Variants in RABEP2 observed in about 807,000 individuals in gnomAD.
RABEP2 encodes rab GTPase-binding effector protein 2.
Under a neutral mutation model 74.1 loss-of-function variants are expected in RABEP2, and 57 were observed. The ratio of observed to expected loss-of-function variants is 0.77; its 90% CI spans 0.62 to 0.96. The LOEUF (loss-of-function observed/expected upper bound fraction) is 0.96. Ranked by LOEUF, RABEP2 falls within the 40% of genes least tolerant of loss-of-function variation. The pLI is 0.00. For synonymous variants in RABEP2, 351 were observed against 344.0 expected (o/e 1.02, Z -0.23); for missense variants, 692 against 756.3 (o/e 0.91, Z 1.00).
intron 3 of RABEP2, among the ~76,000 whole-genome samples, chr16:28,916,804 T>C (rs1205331477): frequency 6.6e-6 from 1 of 150,846 alleles, no homozygotes; most frequent in Non-Finnish European, 1.5e-5. Flanking sequence ...GCCAACGTGG[T>C]GAAACCCCAT....
At position 28,914,725 on chromosome 16, in the gene RABEP2, C is replaced by A. The variant is rs751883197; in HGVS notation, c.490G>T (p.Glu164Ter). 3.7e-6 allele frequency: 6 copies of A among 1,614,176 alleles called. No homozygotes were observed. Among genetic ancestry groups the A allele is most frequent in the Non-Finnish European group, 5.1e-6 (6 of 1,180,026 alleles). Residue 164 changes from glutamate (E) to a stop codon, truncating the protein, a stop_gained, in exon 4 of 13, where the codon GAG (glutamate) becomes TAG (stop). Coordinates refer to ENST00000358201, the MANE Select transcript of RABEP2 (RefSeq NM_024816.3). LOFTEE classifies it high-confidence loss of function. ...EIVLPMEKEIEELKAKLLRAE... is the reference protein window; with the variant it reads ...EIVLPMEKEI Reference sequence around the variant, plus strand: ...CTCAGCAGCTTCGCCTTCAGCTCCTCGATCTCCTTTTCCATGGGCAGTACG... The same window carrying A: ...CTCAGCAGCTTCGCCTTCAGCTCCTAGATCTCCTTTTCCATGGGCAGTACG...
In RABEP2 at chr16:28,911,152, T is replaced by G. The variant is rs1038053695; in HGVS notation, c.922A>C (p.Ser308Arg). ...EGRQLQKDLE[S>R]VSRERDELQE... ...AGCTCGTCCCGCTCGCGACTGACGC[T>G]CTCCAGGTCCTTCTGCAGCTGTCGG... Residue 308 changes from serine to arginine, a missense_variant, in exon 6 of 13, where the codon AGC becomes CGC. Coordinates refer to ENST00000358201, the MANE Select transcript of RABEP2 (RefSeq NM_024816.3). 2.5e-6 allele frequency: 4 copies of G among 1,611,936 alleles called. No homozygotes were observed. The highest frequency in any genetic ancestry group is 3.4e-6 in the Non-Finnish European group (4 of 1,180,002).
At chr16:28,910,041 A>G (rs1463177194) in intron 7 of RABEP2, among the ~76,000 whole-genome samples, 1 of 151,646 alleles carries the variant, frequency 6.6e-6, no homozygotes, top group African/African-American at 2.4e-5. Context: ...AAAAAAAAAA[A>G]AAAAAAAAAA....
chr16:28,905,749 G>A lies in RABEP2; in HGVS notation c.1446C>T (p.Cys482=), dbSNP rs773519218. 1.2e-6 allele frequency: 2 copies of A among 1,614,042 alleles called. No individual in the cohort carries two copies. The highest frequency in any genetic ancestry group is 1.6e-4 in the Middle Eastern group (1 of 6,062). The stretch of plus-strand genomic sequence containing the variant: ...CCCGCTCCATCTCTGTCCTCAGGCT[G>A]CACAGGGAGGCTGGGAAGTCAGGGC... ...EETEVLEASL[C]SLRTEMERVQ... Residue 482 remains cysteine, a synonymous_variant, in exon 11 of 13, where the codon TGC becomes TGT. Coordinates refer to ENST00000358201, the MANE Select transcript of RABEP2 (RefSeq NM_024816.3).
chr16:28,924,701 T>G lies in RABEP2; in HGVS notation c.62-86A>C, dbSNP rs572453882. Reference sequence around the variant, plus strand: ...AGCAAGTCCTGCAACCTAGTACTGTTGCCTTCATCTGGGGCCTCCTTCACC... The same window carrying G: ...AGCAAGTCCTGCAACCTAGTACTGTGGCCTTCATCTGGGGCCTCCTTCACC... On this transcript the variant is annotated intron_variant, in intron 1 of 12. Transcript: ENST00000358201. The G allele has an allele frequency of 4.0e-6, 5 of 1,245,622 alleles. No homozygotes were observed. In the Admixed American group the frequency reaches 9.5e-5, roughly 24 times the overall value. 77.2% of individuals were successfully genotyped at this position (1,245,622 alleles called of 1,614,324 possible).
At chr16:28,909,937 G>A (rs1381097293) in intron 7 of RABEP2, among the ~76,000 whole-genome samples, 1 of 149,882 alleles carries the variant, frequency 6.7e-6, no homozygotes, top group Non-Finnish European at 1.5e-5. Flanking sequence ...GCTGAGGCAG[G>A]AGAATGGCGT....
At chr16:28,921,197 A>G (rs1199116321) in intron 2 of RABEP2, 1 of 455,862 alleles carries the variant, frequency 2.2e-6, no homozygotes, top group African/African-American at 2.0e-5. Flanking sequence ...ACGCTGGATC[A>G]GACTCTGAGC....
rs533578137 is a variant in RABEP2 at position 28,924,248 on chromosome 16, T to C, written c.274+155A>G. The C allele has an allele frequency of 4.3e-6, 3 of 690,498 alleles. No individual in the cohort carries two copies. The African/African-American group carries it at 5.4e-5, about 12-fold the overall frequency. 42.8% of individuals were successfully genotyped at this position (690,498 alleles called of 1,614,324 possible). On this transcript the variant is annotated intron_variant, in intron 2 of 12. Transcript: ENST00000358201. ...ACATGGAGGGCCTCTATGCAAATTT[T>C]AAAAGGGCGGCCCTTCCTCTGGGCC...
rs779577338 is a variant in RABEP2, at chr16:28,924,630, G to C, written c.62-15C>G. The C allele has an allele frequency of 3.2e-5, 51 of 1,601,872 alleles. 1 individual carries two copies. In the South Asian group the frequency reaches 5.3e-4, roughly 17 times the overall value. The stretch of plus-strand genomic sequence containing the variant: ...GTCCTCCAGTGCTGTGGGGGACAGG[G>C]ATCAGCCTCTCTTCCCATCTCTTAC... On this transcript the variant is annotated splice_polypyrimidine_tract_variant and intron_variant, in intron 1 of 12. Transcript: ENST00000358201.
chr16:28,904,633 G>A lies in RABEP2; in HGVS notation c.*310C>T, dbSNP rs1032424778. On this transcript the variant is annotated 3_prime_UTR_variant, in exon 13 of 13. Coordinates refer to ENST00000358201, the MANE Select transcript of RABEP2 (RefSeq NM_024816.3). Reference sequence around the variant, plus strand: ...CTCCGCTGTGCCCTGGGCAGGGGACGGGCTGGGGGCAGGGGAGGGCTGGAG... The same window carrying A: ...CTCCGCTGTGCCCTGGGCAGGGGACAGGCTGGGGGCAGGGGAGGGCTGGAG... 80 of 924,044 alleles carry A rather than the reference G, an allele frequency of 8.7e-5. No homozygotes were observed. The highest frequency in any genetic ancestry group is 1.4e-4 in the South Asian group (8 of 58,680). 57.2% of individuals were successfully genotyped at this position (924,044 alleles called of 1,614,324 possible). A position where few individuals can be genotyped will look rare whatever the true frequency, so the allele number is the denominator to read the frequency against.
chr16:28,909,082 T>A (rs980196510), intron 7 of RABEP2, among the ~76,000 whole-genome samples: 1 of 151,620 alleles, frequency 6.6e-6, no homozygotes, highest in Non-Finnish European at 1.5e-5. Flanking sequence ...TTTTAAAAAA[T>A]ATATATTTTT....
chr16:28,914,417 GAGA>G lies in RABEP2; in HGVS notation c.710_712del (p.Phe237del), dbSNP rs1567497709. 6.2e-7 allele frequency: 1 copy of G among 1,613,540 alleles called. No homozygotes were observed. Among genetic ancestry groups the G allele is most frequent in the Non-Finnish European group, 8.5e-7 (1 of 1,179,998 alleles). On this transcript the variant is annotated inframe_deletion, in exon 5 of 13. Transcript: ENST00000358201. ...GCTGCTGCCGACCCCACCGCCAAGG[GAGA>G]AGGAGGAGATGGAGGCGCTGTCATC...
chr16:28,904,989 A>G lies in RABEP2; in HGVS notation c.1664T>C (p.Met555Thr). 1.9e-6 allele frequency: 3 copies of G among 1,612,582 alleles called. No individual in the cohort carries two copies. The highest frequency in any genetic ancestry group is 2.5e-6 in the Non-Finnish European group (3 of 1,179,780). ...GACGTCCGTGAGTGGCGCCTCATCC[A>G]TGATGCTGCGCACTTGCTCCAGGGT... ...AETLEQVRSI[M>T]DEAPLTDVRD... Residue 555 changes from methionine to threonine, a missense_variant, in exon 13 of 13, where the codon ATG becomes ACG. Met to Thr is a moderately conservative substitution (Grantham distance 81). Coordinates refer to ENST00000358201, the MANE Select transcript of RABEP2 (RefSeq NM_024816.3).
intron 12 of RABEP2, 137 bp from the exon 13 acceptor site, chr16:28,905,181 C>T (rs911621729): frequency 9.6e-6 from 7 of 731,736 alleles, no homozygotes; most frequent in South Asian, 1.8e-5. Context: ...CACAAATGCC[C>T]TGAGCGTCCA....
chr16:28,917,677 C>G (rs1027581275), intron 3 of RABEP2: 1 of 152,302 alleles, frequency 6.6e-6, no homozygotes, highest in South Asian at 2.1e-4. Flanking sequence ...CCACCTCAAC[C>G]TCCCAAAGGG....
At position 28,925,158 on chromosome 16, in the gene RABEP2, C is replaced by T. The variant is rs747486516; in HGVS notation, c.6G>A (p.Ala2=). 6.5e-7 allele frequency: 1 copy of T among 1,531,780 alleles called. No individual in the cohort carries two copies. The highest frequency in any genetic ancestry group is 8.7e-7 in the Non-Finnish European group (1 of 1,145,006). The allele number at this position is 1,531,780 out of a possible 1,614,324, so 94.9% of individuals were successfully genotyped here. Residue 2 remains alanine (A), a synonymous_variant, in exon 1 of 13, where the codon GCG becomes GCA. Coordinates refer to ENST00000358201, the MANE Select transcript of RABEP2 (RefSeq NM_024816.3). ...CGTCCGCGGCCACCGGCGCAGCTGC[C>T]GCCATTGCCTCAGCGCAAACGGCGG... The part of the protein sequence containing the change: M[A]AAAPVAADDD...
chr16:28,913,219 C>A (rs1275029283), intron 5 of RABEP2, among the ~76,000 whole-genome samples: 4 of 151,948 alleles, frequency 2.6e-5, no homozygotes, highest in Non-Finnish European at 5.9e-5. Flanking sequence ...CATGAGCCAC[C>A]GCGCCCGGCC....
chr16:28,910,991 G>A lies in RABEP2; in HGVS notation c.991-5C>T, dbSNP rs745522860. The A allele has an allele frequency of 4.3e-6, 7 of 1,610,472 alleles. No homozygotes were observed. The highest frequency in any genetic ancestry group is 4.0e-5 in the African/African-American group (3 of 74,918). ...CTGGGCCAGGAGCACCTGCATCTGGGTTGGAGGGAGGGCGAAAGTGAGGGC... is the reference window on the plus strand; with the variant it reads ...CTGGGCCAGGAGCACCTGCATCTGGATTGGAGGGAGGGCGAAAGTGAGGGC... On this transcript the variant is annotated splice_region_variant and splice_polypyrimidine_tract_variant and intron_variant, in intron 6 of 12. Transcript: ENST00000358201.
chr16:28,908,494 A>G (rs1964266570), intron 8 of RABEP2, 115 bp downstream of exon 8: 2 of 1,132,804 alleles, frequency 1.8e-6, no homozygotes, highest in African/African-American at 1.6e-5. Context: ...AAGGCAAATG[A>G]GTTAGCCAAG....
Sources: gnomAD v4.1 joint callset for allele counts (sites outside exome capture counted in the v4.1 genomes callset) on GRCh38, gnomAD v4.1.1 for gene constraint, MANE v1.5 for transcripts, NCBI Gene and HGNC (gene_info 2026-07-23, HGNC 2026-07-21) for gene names.